Variants in CTNNA3 observed in about 807,000 individuals in gnomAD.
CTNNA3 encodes the protein catenin alpha 3, also known as catenin alpha-3.
A neutral mutation model predicts 95.7 loss-of-function variants in CTNNA3; 76 were observed. That is an observed-to-expected ratio of 0.79 (90% CI 0.66 to 0.96). The LOEUF is 0.96. Ranked by LOEUF, CTNNA3 falls within the 40% of genes least tolerant of loss-of-function variation. The pLI is 0.00. For missense variants in CTNNA3, 1,191 were observed against 1,089.8 expected (o/e 1.09, Z -1.31); for synonymous variants, 431 against 374.4 (o/e 1.15, Z -1.74).
chr10:66,603,766 A>G (rs952390552), intron 10 of CTNNA3, among the ~76,000 whole-genome samples: 7 of 152,158 alleles, frequency 4.6e-5, no homozygotes, highest in African/African-American at 1.7e-4. Flanking sequence ...AGAATACAGA[A>G]ATAAACCCAC....
At chr10:66,879,635 A>G (rs1451482293) in intron 7 of CTNNA3, among the ~76,000 whole-genome samples, 1 of 152,118 alleles carries the variant, frequency 6.6e-6, no homozygotes, top group Admixed American at 6.6e-5. Context: ...AAGTAATGAT[A>G]AGAGTCAGGA....
intron 7 of CTNNA3, among the ~76,000 whole-genome samples, chr10:66,861,486 G>T (rs763182327): frequency 2.6e-5 from 4 of 152,162 alleles, no homozygotes; most frequent in Non-Finnish European, 5.9e-5. Context: ...GTCCTGGGCT[G>T]CTTCCTGCCT....
intron 13 of CTNNA3, among the ~76,000 whole-genome samples, chr10:66,171,893 G>T (rs987909877): frequency 6.6e-6 from 1 of 152,118 alleles, no homozygotes. Context: ...CTGCTGGGCA[G>T]CTGGAAACAT....
rs565702071 is a variant in CTNNA3, at chr10:66,114,855, A to G, written c.1885-11606T>C. On this transcript the variant is annotated intron_variant, in intron 13 of 17. Coordinates refer to ENST00000433211, the MANE Select transcript of CTNNA3 (RefSeq NM_013266.4). ...GATCACCCCACTGCACTCCAGCCTC[A>G]GCGACAGAGTGAGGCTCCATCTCAA... Among the ~76,000 whole-genome samples the G allele has an allele frequency of 2.8e-4, 42 of 151,770 alleles. No individual in the cohort carries two copies. In the South Asian group the frequency reaches 7.5e-3, roughly 27 times the overall value.
intron 7 of CTNNA3, among the ~76,000 whole-genome samples, chr10:66,988,335 AC>A (rs1238980971): frequency 6.6e-6 from 1 of 152,210 alleles, no homozygotes; most frequent in African/African-American, 2.4e-5. Flanking sequence ...TACTAATTTA[AC>A]AGAGATTATG....
At chr10:67,021,273 C>A (rs908092824) in intron 7 of CTNNA3, among the ~76,000 whole-genome samples, 2 of 152,014 alleles carry the variant, frequency 1.3e-5, no homozygotes, top group Non-Finnish European at 2.9e-5. Flanking sequence ...GAATATAGTA[C>A]CATTTCACAC....
chr10:67,515,137 A>T (rs1554847569), intron 5 of CTNNA3, among the ~76,000 whole-genome samples: 14 of 152,250 alleles, frequency 9.2e-5, no homozygotes, highest in Non-Finnish European at 1.5e-5. Context: ...CATTTTCATC[A>T]TTCATTTTAA....
chr10:65,914,731 T>C lies in CTNNA3; in HGVS notation c.*5599A>G, dbSNP rs1324341207. On this transcript the variant is annotated 3_prime_UTR_variant, in exon 18 of 18. Transcript: ENST00000433211. ...AAGATGGGCTGAAACAGGCATTTCA[T>C]TGAAGCTTTCTTCTCCATGGTAATA... The C allele has an allele frequency of 2.6e-5, 4 of 152,184 alleles. No individual in the cohort carries two copies. The highest frequency in any genetic ancestry group is 7.2e-5 in the African/African-American group (3 of 41,446). The allele number at this position is 152,184 out of a possible 1,614,324, so 9.4% of individuals were successfully genotyped here.
At chr10:67,252,969 T>C (rs751522653) in intron 5 of CTNNA3, among the ~76,000 whole-genome samples, 3 of 152,192 alleles carry the variant, frequency 2.0e-5, no homozygotes, top group Non-Finnish European at 4.4e-5. Context: ...ATTTAATGGA[T>C]AGAAGATTCA....
At chr10:66,051,136 A>G (rs545852929) in intron 15 of CTNNA3, among the ~76,000 whole-genome samples, 1 of 152,260 alleles carries the variant, frequency 6.6e-6, no homozygotes, top group East Asian at 1.9e-4. Context: ...TAGCCTCCCA[A>G]AGTGCTGAGA....
At chr10:66,003,056 A>G (rs1051206787) in intron 15 of CTNNA3, among the ~76,000 whole-genome samples, 1 of 152,188 alleles carries the variant, frequency 6.6e-6, no homozygotes, top group Non-Finnish European at 1.5e-5. Context: ...CACTTCACTA[A>G]TACAGCTGTA....
At chr10:66,271,058 A>T (rs1564829968) in intron 13 of CTNNA3, among the ~76,000 whole-genome samples, 2 of 152,154 alleles carry the variant, frequency 1.3e-5, no homozygotes, top group Non-Finnish European at 1.5e-5. Context: ...GTAAGAGAAA[A>T]TGTTCTTCAG....
At chr10:66,767,252 C>T (rs1223946078) in intron 8 of CTNNA3, among the ~76,000 whole-genome samples, 1 of 151,884 alleles carries the variant, frequency 6.6e-6, no homozygotes, top group Non-Finnish European at 1.5e-5. Context: ...TCGAGAACAG[C>T]CTGGCCAACA....
chr10:66,156,257 A>G (rs1272516997), intron 13 of CTNNA3, among the ~76,000 whole-genome samples: 7 of 151,916 alleles, frequency 4.6e-5, no homozygotes, highest in Admixed American at 1.3e-4. Flanking sequence ...GCAACCGACT[A>G]AAGAAAGGAA....
At chr10:65,971,912 A>C (rs2078112442) in intron 16 of CTNNA3, among the ~76,000 whole-genome samples, 1 of 152,140 alleles carries the variant, frequency 6.6e-6, no homozygotes, top group African/African-American at 2.4e-5. Context: ...AATCCTCAAC[A>C]AAATATTGGC....
chr10:66,853,393 T>C (rs1049651576), intron 7 of CTNNA3, among the ~76,000 whole-genome samples: 2 of 152,154 alleles, frequency 1.3e-5, no homozygotes, highest in Non-Finnish European at 2.9e-5. Flanking sequence ...CTCTTTTATG[T>C]GCAATTAGTC....
At chr10:66,567,361 T>C (rs1447964375) in intron 10 of CTNNA3, among the ~76,000 whole-genome samples, 1 of 152,022 alleles carries the variant, frequency 6.6e-6, no homozygotes, top group East Asian at 1.9e-4. Context: ...GGATCACAGA[T>C]GTAATTCCAG....
At chr10:66,547,309 A>G (rs568039438) in intron 10 of CTNNA3, among the ~76,000 whole-genome samples, 12 of 140,726 alleles carry the variant, frequency 8.5e-5, no homozygotes, top group African/African-American at 3.2e-4. Flanking sequence ...TTAAATGAGT[A>G]TATAACTTAT....
At chr10:66,751,945 CA>C (rs1370529476) in intron 9 of CTNNA3, among the ~76,000 whole-genome samples, 48 of 152,090 alleles carry the variant, frequency 3.2e-4, no homozygotes, top group Admixed American at 3.1e-3. Flanking sequence ...TTTAAAAAAT[CA>C]AAGGAGGCCT....
Sources: allele counts gnomAD v4.1 joint callset (sites outside exome capture counted in the v4.1 genomes callset), GRCh38; gene constraint gnomAD v4.1.1; transcripts MANE v1.5; gene names NCBI Gene and HGNC (gene_info 2026-07-23, HGNC 2026-07-21).